The following MYRFL variants were observed in gnomAD, a reference collection of about 807,000 sequenced individuals.
MYRFL encodes myelin regulatory factor like.
A neutral mutation model predicts 109.4 loss-of-function variants in MYRFL; 88 were observed. The ratio of observed to expected loss-of-function variants is 0.80; its 90% CI spans 0.68 to 0.96. The LOEUF is 0.96. Among genes scored for constraint, MYRFL ranks in the 40% least tolerant of loss-of-function variants. MYRFL has a pLI of 0.00. For synonymous variants in MYRFL, 324 were observed against 320.9 expected (o/e 1.01, Z -0.10); for missense variants, 957 against 954.9 (o/e 1.00, Z -0.03).
intron 2 of MYRFL, among the ~76,000 whole-genome samples, chr12:69,857,615 T>C (rs1205019359): frequency 6.6e-6 from 1 of 151,864 alleles, no homozygotes; most frequent in East Asian, 1.9e-4. Flanking sequence ...TTTTCCTAAA[T>C]ATTTCATGTT....
chr12:69,901,030 T>G (rs1272936194), intron 10 of MYRFL, among the ~76,000 whole-genome samples: 1 of 152,042 alleles, frequency 6.6e-6, no homozygotes, highest in Admixed American at 6.6e-5. Flanking sequence ...CCCTATGAGG[T>G]GGGTAAAGGA....
At chr12:69,945,885 G>T (rs1955819889) in intron 19 of MYRFL, among the ~76,000 whole-genome samples, 1 of 145,680 alleles carries the variant, frequency 6.9e-6, no homozygotes, top group Non-Finnish European at 1.5e-5. Flanking sequence ...TACTTGGGAG[G>T]CTGAGGCAGG....
chr12:69,921,425 T>C (rs1954908084), intron 13 of MYRFL, among the ~76,000 whole-genome samples: 1 of 152,176 alleles, frequency 6.6e-6, no homozygotes, highest in African/African-American at 2.4e-5. Flanking sequence ...GGGTTCTTGG[T>C]TCAAATCTGC....
intron 13 of MYRFL, among the ~76,000 whole-genome samples, chr12:69,912,300 T>G (rs1266351363): frequency 6.6e-6 from 1 of 152,256 alleles, no homozygotes; most frequent in Non-Finnish European, 1.5e-5. Flanking sequence ...TTTTTTATTG[T>G]GGTAAAATAC....
intron 2 of MYRFL, among the ~76,000 whole-genome samples, chr12:69,876,582 ATTGT>A (rs1885677616): frequency 6.6e-6 from 1 of 151,822 alleles, no homozygotes; most frequent in African/African-American, 2.4e-5. Context: ...CTGGTCCTTT[ATTGT>A]TTGTTCGTGT....
At chr12:69,923,195 A>G (rs1954965060) in intron 13 of MYRFL, among the ~76,000 whole-genome samples, 1 of 152,136 alleles carries the variant, frequency 6.6e-6, no homozygotes, top group Non-Finnish European at 1.5e-5. Context: ...CTCCTGAGTC[A>G]TTTTGACCCA....
At chr12:69,856,894 T>C (rs988006332) in intron 2 of MYRFL, among the ~76,000 whole-genome samples, 7 of 151,946 alleles carry the variant, frequency 4.6e-5, no homozygotes, top group Non-Finnish European at 1.0e-4. Context: ...AGTTTTAATT[T>C]TGATGATGTC....
Position 69,909,967 on chromosome 12 carries a change from AG to A in MYRFL, c.1384del. The A allele has an allele frequency of 6.6e-7, 1 of 1,520,834 alleles. No homozygotes were observed. Among genetic ancestry groups the A allele is most frequent in the South Asian group, 1.2e-5 (1 of 81,004 alleles). The allele number at this position is 1,520,834 out of a possible 1,614,324, so 94.2% of individuals were successfully genotyped here. A position where few individuals can be genotyped will look rare whatever the true frequency, so the allele number is the denominator to read the frequency against. On this transcript the variant is annotated splice_acceptor_variant, in intron 11 of 24. Coordinates refer to ENST00000552032, the MANE Select transcript of MYRFL (RefSeq NM_182530.3). LOFTEE classifies it high-confidence loss of function. ...AAATCTGCTCTTCTTTAATTAAATT[AG>A]GTTGACACGAATGAACAGCTGAAAA...
At chr12:69,905,911 C>T (rs925397182) in intron 11 of MYRFL, among the ~76,000 whole-genome samples, 1 of 152,162 alleles carries the variant, frequency 6.6e-6, no homozygotes, top group African/African-American at 2.4e-5. Flanking sequence ...TCACCTCTTC[C>T]TGACTTAGTT....
chr12:69,957,658 G>A (rs1956125166), intron 22 of MYRFL, among the ~76,000 whole-genome samples, 164 bp from the exon 23 acceptor site: 1 of 152,142 alleles, frequency 6.6e-6, no homozygotes, highest in Non-Finnish European at 1.5e-5. Context: ...GATGTGAGCT[G>A]GCCTATTGGC....
intron 1 of MYRFL, 36 bp from the exon 2 acceptor site, chr12:69,855,244 T>C: frequency 1.4e-6 from 1 of 697,636 alleles, no homozygotes; most frequent in South Asian, 1.5e-5. Flanking sequence ...TACTGAAATC[T>C]TCATGTTTCT....
intron 2 of MYRFL, among the ~76,000 whole-genome samples, chr12:69,877,123 A>G (rs1020109284): frequency 3.5e-4 from 52 of 150,084 alleles, no homozygotes; most frequent in Non-Finnish European, 6.8e-4. Context: ...TCCCGGGTTC[A>G]CGCCATTCTC....
chr12:69,879,289 G>A lies in MYRFL; in HGVS notation c.300G>A (p.Pro100=), dbSNP rs1481747562. ...TAAPAMPPMH[P]LQSTSGMGDS... ...CTCCTGCGATGCCGCCCATGCACCC[G>A]CTGCAGAGCACCTCTGGAATGGGCG... The change falls in exon 4 of 25, where the codon CCG becomes CCA. Residue 100 remains proline, a synonymous_variant. Coordinates refer to ENST00000552032, the MANE Select transcript of MYRFL (RefSeq NM_182530.3). 1.4e-6 allele frequency: 1 copy of A among 702,824 alleles called. No individual in the cohort carries two copies. The highest frequency in any genetic ancestry group is 2.6e-6 in the Non-Finnish European group (1 of 384,828). The allele number at this position is 702,824 out of a possible 1,614,324, so 43.5% of individuals were successfully genotyped here. A position where few individuals can be genotyped will look rare whatever the true frequency, so the allele number is the denominator to read the frequency against.
intron 1 of MYRFL, among the ~76,000 whole-genome samples, chr12:69,838,559 T>C (rs1883078078): frequency 6.6e-6 from 1 of 152,252 alleles, no homozygotes; most frequent in Non-Finnish European, 1.5e-5. Flanking sequence ...ATGGCTAAAG[T>C]TAATGTTGCT....
intron 10 of MYRFL, among the ~76,000 whole-genome samples, chr12:69,898,102 A>T (rs1182003799): frequency 6.6e-6 from 1 of 152,210 alleles, no homozygotes; most frequent in East Asian, 1.9e-4. Context: ...ACTCCAATAG[A>T]GAACAATGTT....
At chr12:69,897,029 G>A (rs1566007670) in intron 9 of MYRFL, 127 bp from the exon 10 acceptor site, 3 of 685,770 alleles carry the variant, frequency 4.4e-6, no homozygotes, top group South Asian at 3.4e-5. Context: ...AAGGGAAAAG[G>A]CAGTCTTTAA....
intron 13 of MYRFL, among the ~76,000 whole-genome samples, chr12:69,920,357 T>A (rs1954871661): frequency 2.0e-5 from 3 of 152,220 alleles, no homozygotes; most frequent in Admixed American, 2.0e-4. Context: ...TTTTGTTTTG[T>A]TTTTTGCTTC....
chr12:69,932,883 TTGTG>T (rs542667195), intron 16 of MYRFL, among the ~76,000 whole-genome samples: 5 of 52,610 alleles, frequency 9.5e-5, no homozygotes, highest in Admixed American at 6.2e-4. Flanking sequence ...GTGTGTGTGT[TTGTG>T]TGTGTGTGTG....
At chr12:69,928,623 G>A (rs1354538428) in intron 15 of MYRFL, among the ~76,000 whole-genome samples, 3 of 152,216 alleles carry the variant, frequency 2.0e-5, no homozygotes, top group Non-Finnish European at 4.4e-5. Context: ...AAGCTCCTTA[G>A]TGTATTGACA....
Sources: gnomAD v4.1 joint callset for allele counts (sites outside exome capture counted in the v4.1 genomes callset) on GRCh38, gnomAD v4.1.1 for gene constraint, MANE v1.5 for transcripts, NCBI Gene and HGNC (gene_info 2026-07-23, HGNC 2026-07-21) for gene names.